The following ELMO1 variants were observed in gnomAD, a reference collection of about 807,000 sequenced individuals.
The protein encoded by ELMO1 is engulfment and cell motility protein 1.
Under a neutral mutation model 98.9 loss-of-function variants are expected in ELMO1, and 26 were observed. The ratio of observed to expected loss-of-function variants is 0.26; its 90% CI spans 0.19 to 0.36. The LOEUF is 0.36. Among genes scored for constraint, ELMO1 ranks in the 10% least tolerant of loss-of-function variants. The pLI, the probability that ELMO1 is intolerant of heterozygous loss-of-function variation, is 1.00. For missense variants in ELMO1, 627 were observed against 935.2 expected, an observed-to-expected ratio of 0.67 and a Z score of 4.30; for synonymous variants, 346 against 346.0, an observed-to-expected ratio of 1.00 and a Z score of 0.00.
intron 13 of ELMO1, among the ~76,000 whole-genome samples, chr7:37,146,050 T>C (rs1298635748): frequency 1.3e-5 from 2 of 152,022 alleles, no homozygotes; most frequent in African/African-American, 4.8e-5. Context: ...TGGGGAGCTT[T>C]AAAAAAAATC....
At chr7:37,004,310 C>A (rs945605840) in intron 16 of ELMO1, among the ~76,000 whole-genome samples, 5 of 152,038 alleles carry the variant, frequency 3.3e-5, no homozygotes, top group Admixed American at 2.6e-4. Context: ...TCATAGAAAC[C>A]AGTTAACAAC....
intron 1 of ELMO1, among the ~76,000 whole-genome samples, chr7:37,368,270 G>A (rs552682324): frequency 4.6e-4 from 70 of 152,128 alleles, no homozygotes; most frequent in African/African-American, 1.7e-3. Flanking sequence ...GCTTTATCAA[G>A]GTTTCTGAGT....
At chr7:37,062,301 T>C (rs1015628534) in intron 15 of ELMO1, among the ~76,000 whole-genome samples, 1 of 152,182 alleles carries the variant, frequency 6.6e-6, no homozygotes, top group Non-Finnish European at 1.5e-5. Context: ...CCCAGCATTC[T>C]AAATTTGCAA....
At chr7:37,216,852 A>AT (rs145031529) in intron 10 of ELMO1, among the ~76,000 whole-genome samples, 157 bp from the exon 11 acceptor site, 3 of 152,172 alleles carry the variant, frequency 2.0e-5, no homozygotes, top group Admixed American at 6.5e-5. Flanking sequence ...TATTCAAATT[A>AT]TTTTTTTGAC....
At chr7:37,034,003 T>C (rs1248224268) in intron 15 of ELMO1, among the ~76,000 whole-genome samples, 1 of 152,228 alleles carries the variant, frequency 6.6e-6, no homozygotes, top group Non-Finnish European at 1.5e-5. Flanking sequence ...TGTATTCCCA[T>C]GTACAAATCA....
chr7:37,239,181 T>C (rs560662555), intron 7 of ELMO1, among the ~76,000 whole-genome samples: 1 of 152,302 alleles, frequency 6.6e-6, no homozygotes, highest in South Asian at 2.1e-4. Flanking sequence ...TTTTTTTTTT[T>C]CTGAGATGGA....
At chr7:37,382,435 T>C (rs894283124) in intron 1 of ELMO1, among the ~76,000 whole-genome samples, 2 of 152,222 alleles carry the variant, frequency 1.3e-5, no homozygotes, top group African/African-American at 4.8e-5. Flanking sequence ...ATACGCCACT[T>C]TGGCGTAAGA....
intron 16 of ELMO1, among the ~76,000 whole-genome samples, chr7:36,915,017 G>A (rs1406260583): frequency 6.6e-6 from 1 of 152,108 alleles, no homozygotes; most frequent in African/African-American, 2.4e-5. Flanking sequence ...GCAGTGGTAC[G>A]ATCATAGCTG....
intron 16 of ELMO1, among the ~76,000 whole-genome samples, chr7:36,952,809 G>C (rs1445902984): frequency 6.6e-6 from 1 of 152,106 alleles, no homozygotes; most frequent in African/African-American, 2.4e-5. Flanking sequence ...AATACACAGA[G>C]AGCAGAGGAG....
chr7:37,240,786 A>G (rs568512912), intron 7 of ELMO1, among the ~76,000 whole-genome samples: 5 of 152,310 alleles, frequency 3.3e-5, no homozygotes, highest in African/African-American at 1.2e-4. Flanking sequence ...CTATTCGGCT[A>G]TTTTATTGTT....
intron 1 of ELMO1, among the ~76,000 whole-genome samples, chr7:37,408,923 C>CA (rs1370616746): frequency 1.3e-5 from 2 of 151,880 alleles, no homozygotes; most frequent in African/African-American, 2.4e-5. Flanking sequence ...TTACCACATG[C>CA]AAAAAAATTG....
chr7:36,999,439 G>A (rs1379609142), intron 16 of ELMO1, among the ~76,000 whole-genome samples: 1 of 152,072 alleles, frequency 6.6e-6, no homozygotes, highest in Non-Finnish European at 1.5e-5. Flanking sequence ...CGGGATACAG[G>A]GCAGGGCAAT....
chr7:37,152,522 CG>C (rs1485406656), intron 13 of ELMO1, among the ~76,000 whole-genome samples: 1 of 151,776 alleles, frequency 6.6e-6, no homozygotes, highest in African/African-American at 2.4e-5. Context: ...AGTGTGATCC[CG>C]TTTTTGTACA....
chr7:37,116,613 C>T (rs74301904), intron 14 of ELMO1, among the ~76,000 whole-genome samples: 18,264 of 151,636 alleles, frequency 0.12, 1,217 homozygotes, highest in African/African-American at 0.18. Flanking sequence ...TACAGCTTAG[C>T]TTCACTTTTT....
chr7:37,083,481 A>T (rs192939845), intron 15 of ELMO1, among the ~76,000 whole-genome samples: 175 of 150,584 alleles, frequency 1.2e-3, no homozygotes, highest in Non-Finnish European at 1.7e-3. Flanking sequence ...CTCACTCTAT[A>T]AAAAAAAACA....
intron 13 of ELMO1, among the ~76,000 whole-genome samples, chr7:37,155,966 C>T (rs1788732606): frequency 6.6e-6 from 1 of 152,148 alleles, no homozygotes; most frequent in Admixed American, 6.5e-5. Context: ...GAAATTACAA[C>T]AGACTGTCTC....
intron 16 of ELMO1, among the ~76,000 whole-genome samples, chr7:36,964,622 A>G (rs1233223080): frequency 1.3e-5 from 2 of 152,158 alleles, no homozygotes; most frequent in African/African-American, 4.8e-5. Context: ...TTTTTAACTA[A>G]TTAGAATTAT....
At chr7:36,911,247 T>A (rs1304830983) in intron 16 of ELMO1, among the ~76,000 whole-genome samples, 1 of 152,192 alleles carries the variant, frequency 6.6e-6, no homozygotes, top group African/African-American at 2.4e-5. Context: ...CAATGCGTCC[T>A]TTCCTCGCTG....
intron 16 of ELMO1, among the ~76,000 whole-genome samples, chr7:36,914,004 T>C (rs1784515305): frequency 6.6e-6 from 1 of 152,238 alleles, no homozygotes; most frequent in African/African-American, 2.4e-5. Flanking sequence ...AACATGCACA[T>C]GCACGTTTTT....
Sources: allele counts gnomAD v4.1 joint callset (sites outside exome capture counted in the v4.1 genomes callset), GRCh38; gene constraint gnomAD v4.1.1; transcripts MANE v1.5; gene names NCBI Gene and HGNC (gene_info 2026-07-23, HGNC 2026-07-21).